The following PAX3 variants were observed in gnomAD, a reference collection of about 807,000 sequenced individuals.
PAX3 encodes the protein paired box 3, also known as paired box protein Pax-3.
In PAX3, 14 loss-of-function variants were observed where a neutral mutation model predicts 51.6. The ratio of observed to expected loss-of-function variants is 0.27; its 90% CI spans 0.18 to 0.42. The LOEUF (loss-of-function observed/expected upper bound fraction) is 0.42, where lower values mean the gene tolerates loss of function less well. Among genes scored for constraint, PAX3 ranks in the 10% least tolerant of loss-of-function variants. The pLI, the probability that PAX3 is intolerant of heterozygous loss-of-function variation, is 1.00. For missense variants in PAX3, 540 were observed against 642.8 expected (o/e 0.84, Z 1.73); for synonymous variants, 280 against 253.4 (o/e 1.11, Z -1.00).
At chr2:222,297,800 G>GC (rs1485440374) in intron 1 of PAX3, among the ~76,000 whole-genome samples, 3 of 152,226 alleles carry the variant, frequency 2.0e-5, no homozygotes, top group Non-Finnish European at 2.9e-5. Context: ...TGGGCCCCCA[G>GC]CCCCCATTCT....
chr2:222,208,970 C>T (rs1691615095), intron 7 of PAX3, among the ~76,000 whole-genome samples: 1 of 152,072 alleles, frequency 6.6e-6, no homozygotes, highest in Non-Finnish European at 1.5e-5. Context: ...ATCTTAGTGA[C>T]CTTTAACTTC....
intron 4 of PAX3, among the ~76,000 whole-genome samples, chr2:222,285,589 C>T (rs553710579): frequency 1.3e-5 from 2 of 152,110 alleles, no homozygotes; most frequent in Non-Finnish European, 2.9e-5. Flanking sequence ...TGTATGTGAC[C>T]GTATCAGCAT....
chr2:222,209,066 C>T (rs984874542), intron 7 of PAX3, among the ~76,000 whole-genome samples: 2 of 152,110 alleles, frequency 1.3e-5, no homozygotes, highest in African/African-American at 4.8e-5. Flanking sequence ...CTGCCTCTCC[C>T]AAGCAGAGGA....
At chr2:222,253,680 A>C (rs1027077884) in intron 4 of PAX3, among the ~76,000 whole-genome samples, 4 of 151,948 alleles carry the variant, frequency 2.6e-5, no homozygotes, top group Non-Finnish European at 4.4e-5. Flanking sequence ...ACAGAAGAAA[A>C]GAGCCTGTTG....
chr2:222,237,956 T>G (rs1375507521), intron 4 of PAX3, among the ~76,000 whole-genome samples: 1 of 152,216 alleles, frequency 6.6e-6, no homozygotes, highest in Non-Finnish European at 1.5e-5. Context: ...ACTGAAAGCA[T>G]CACCTCTCAC....
At chr2:222,220,039 T>C (rs553809594) in intron 7 of PAX3, 101 bp downstream of exon 7, 128 of 988,900 alleles carry the variant, frequency 1.3e-4, no homozygotes, top group Middle Eastern at 3.0e-4. Flanking sequence ...AAAGAATACA[T>C]TATGGTTTAA....
intron 4 of PAX3, 105 bp downstream of exon 4, chr2:222,294,062 A>T: frequency 2.5e-6 from 4 of 1,584,892 alleles, no homozygotes; most frequent in Non-Finnish European, 3.4e-6. Context: ...GCATGAAGGG[A>T]CCTTGATCCG....
At chr2:222,296,923 C>G (rs1055106824) in intron 2 of PAX3, 55 bp downstream of exon 2, 1 of 1,453,670 alleles carries the variant, frequency 6.9e-7, no homozygotes, top group Middle Eastern at 1.9e-4. Context: ...CCCGGTCTTC[C>G]CCAACACAGG....
chr2:222,272,368 G>T (rs1406470574), intron 4 of PAX3, among the ~76,000 whole-genome samples: 1 of 152,176 alleles, frequency 6.6e-6, no homozygotes, highest in Non-Finnish European at 1.5e-5. Flanking sequence ...AAGAAAATGT[G>T]ATCTAAACAA....
chr2:222,209,150 G>A (rs755475695), intron 7 of PAX3, among the ~76,000 whole-genome samples: 15 of 152,114 alleles, frequency 9.9e-5, no homozygotes, highest in African/African-American at 1.7e-4. Flanking sequence ...ACAACATGTA[G>A]GGAAGACATT....
chr2:222,230,730 C>T (rs1197793712), intron 5 of PAX3, among the ~76,000 whole-genome samples: 1 of 151,720 alleles, frequency 6.6e-6, no homozygotes, highest in Non-Finnish European at 1.5e-5. Flanking sequence ...TGGCAAGCAC[C>T]TGTAATCCCA....
rs753222265 is a variant in PAX3, at chr2:222,201,033, A to G, written c.*375T>C. 1.0e-5 allele frequency: 9 copies of G among 868,428 alleles called. No homozygotes were observed. The highest frequency in any genetic ancestry group is 6.4e-5 in the Admixed American group (3 of 46,762). 53.8% of individuals were successfully genotyped at this position (868,428 alleles called of 1,614,324 possible). Reference sequence around the variant, plus strand: ...CCCAAACCAGTCTGGGTAAATCTCAATACACACACACACACACACACGCAC... The same window carrying G: ...CCCAAACCAGTCTGGGTAAATCTCAGTACACACACACACACACACACGCAC... On this transcript the variant is annotated 3_prime_UTR_variant, in exon 9 of 9. Coordinates refer to ENST00000392070, the MANE Select transcript of PAX3 (RefSeq NM_181458.4).
At chr2:222,287,755 G>T (rs12465747) in intron 4 of PAX3, among the ~76,000 whole-genome samples, 28,280 of 151,958 alleles carry the variant, frequency 0.19, 3,251 homozygotes, top group South Asian at 0.39. Flanking sequence ...GAGCACAGAT[G>T]GATTATTAAT....
chr2:222,205,581 C>T (rs974601062), intron 7 of PAX3, among the ~76,000 whole-genome samples: 28 of 152,132 alleles, frequency 1.8e-4, no homozygotes, highest in Non-Finnish European at 3.5e-4. Context: ...GAATACAGCA[C>T]TAACATTTTC....
At chr2:222,298,357 T>C in intron 1 of PAX3, 174 bp downstream of exon 1, 1 of 620,118 alleles carries the variant, frequency 1.6e-6, no homozygotes, top group Non-Finnish European at 2.9e-6. Context: ...GCGCTCCATT[T>C]GCAGAAAGGA....
chr2:222,285,471 A>C (rs1240177687), intron 4 of PAX3, among the ~76,000 whole-genome samples: 1 of 152,238 alleles, frequency 6.6e-6, no homozygotes. Context: ...GAAGAGGGAT[A>C]TGTTTAAAAG....
intron 2 of PAX3, among the ~76,000 whole-genome samples, chr2:222,296,550 T>A (rs1431132483): frequency 6.6e-6 from 1 of 152,116 alleles, no homozygotes; most frequent in Non-Finnish European, 1.5e-5. Flanking sequence ...AGGGCGGGGT[T>A]TGGGAGACAA....
intron 4 of PAX3, among the ~76,000 whole-genome samples, chr2:222,286,229 C>T (rs536747151): frequency 3.9e-5 from 6 of 152,350 alleles, no homozygotes; most frequent in South Asian, 2.1e-4. Context: ...TGAGCCACCG[C>T]GCCAGGCGGC....
chr2:222,290,890 C>A (rs1695006233), intron 4 of PAX3, among the ~76,000 whole-genome samples: 1 of 147,546 alleles, frequency 6.8e-6, no homozygotes, highest in African/African-American at 2.5e-5. Context: ...GGGGAGGTTG[C>A]AGAAATTTCA....
Sources: gnomAD v4.1 joint callset for allele counts (sites outside exome capture counted in the v4.1 genomes callset) on GRCh38, gnomAD v4.1.1 for gene constraint, MANE v1.5 for transcripts, NCBI Gene and HGNC (gene_info 2026-07-23, HGNC 2026-07-21) for gene names.